Variants in DNAH9 observed in about 807,000 individuals in gnomAD.
DNAH9 encodes dynein axonemal heavy chain 9, also known as DNAH9 variant protein.
A neutral mutation model predicts 471.6 loss-of-function variants in DNAH9; 345 were observed. The ratio of observed to expected loss-of-function variants is 0.73; its 90% CI spans 0.67 to 0.80. The LOEUF is 0.80. DNAH9 is among the 30% of genes least tolerant of loss of function. The pLI, the probability that DNAH9 is intolerant of heterozygous loss-of-function variation, is 0.00. For synonymous variants in DNAH9, 2,093 were observed against 2,123.6 expected (o/e 0.99, Z 0.40); for missense variants, 5,407 against 5,609.2 (o/e 0.96, Z 1.15).
At chr17:11,762,770 G>GTTTTTTTTTTTTTTTTTTT (rs563544881) in intron 35 of DNAH9, among the ~76,000 whole-genome samples, 2 of 90,796 alleles carry the variant, frequency 2.2e-5, no homozygotes, top group East Asian at 3.3e-4. Context: ...TTTTTTTTTT[G>GTTTTTTTTTTTTTTTTTTT]TTTTTTTTTT....
At position 11,880,030 on chromosome 17, in the gene DNAH9, A is replaced by G. The variant is rs748635506; in HGVS notation, c.10479-48A>G. 3.7e-6 allele frequency: 6 copies of G among 1,609,564 alleles called. No homozygotes were observed. In the Admixed American group the frequency reaches 1.0e-4, roughly 27 times the overall value. On this transcript the variant is annotated intron_variant, in intron 53 of 68. Coordinates refer to ENST00000262442, the MANE Select transcript of DNAH9 (RefSeq NM_001372.4). ...TGTCTCATTAAATGGTCTCAACTCC[A>G]TAGCTTGCCACAGTCTCATACTCCC... is the stretch of plus-strand genomic sequence containing the variant.
At chr17:11,868,505 A>G (rs922187286) in intron 50 of DNAH9, among the ~76,000 whole-genome samples, 1 of 152,062 alleles carries the variant, frequency 6.6e-6, no homozygotes, top group African/African-American at 2.4e-5. Flanking sequence ...TTATGTTCCT[A>G]TACATTGTGT....
At chr17:11,900,503 CAAAAAA>C (rs71367356) in intron 59 of DNAH9, among the ~76,000 whole-genome samples, 2 of 108,128 alleles carry the variant, frequency 1.8e-5, no homozygotes, top group Non-Finnish European at 3.7e-5. Context: ...CTTCCCCTGC[CAAAAAA>C]AAAAAAAAAA....
chr17:11,705,462 C>T (rs2074683357), intron 26 of DNAH9: 1 of 316,552 alleles, frequency 3.2e-6, no homozygotes, highest in Non-Finnish European at 5.9e-6. Flanking sequence ...TAACACATAC[C>T]AGCTGTTTGA....
chr17:11,665,110 C>A (rs1232707066), intron 15 of DNAH9, 142 bp downstream of exon 15: 1 of 719,690 alleles, frequency 1.4e-6, no homozygotes, highest in Non-Finnish European at 2.3e-6. Flanking sequence ...CACAGGAAAA[C>A]AGAAAAGGTA....
intron 50 of DNAH9, 105 bp from the exon 51 acceptor site, chr17:11,869,029 A>G: frequency 2.9e-6 from 4 of 1,366,078 alleles, no homozygotes; most frequent in Non-Finnish European, 4.0e-6. Context: ...ATGCCCCCGC[A>G]GAGTGCTTCC....
intron 1 of DNAH9, among the ~76,000 whole-genome samples, chr17:11,599,459 G>A (rs1250062511): frequency 6.6e-6 from 1 of 152,160 alleles, no homozygotes. Flanking sequence ...ATTTGCTTTT[G>A]ATTTTCATCT....
intron 10 of DNAH9, among the ~76,000 whole-genome samples, chr17:11,641,836 A>C (rs2073279244): frequency 6.6e-6 from 1 of 152,198 alleles, no homozygotes; most frequent in African/African-American, 2.4e-5. Flanking sequence ...AACAGCACTC[A>C]TGAGGAAGGG....
rs764975180 is a variant in DNAH9 at position 11,694,600 on chromosome 17, A to AGCTTTCTT, written c.4872+193_4872+200dup. On this transcript the variant is annotated intron_variant, in intron 22 of 68. Coordinates refer to ENST00000262442, the MANE Select transcript of DNAH9 (RefSeq NM_001372.4). Reference sequence around the variant, plus strand: ...CCCCCAGCATCATCACATACCTCGGAGCTTTCTTGCTTTCTTGCTTTCTTG... The same window carrying AGCTTTCTT: ...CCCCCAGCATCATCACATACCTCGGAGCTTTCTTGCTTTCTTGCTTTCTTGCTTTCTTG... Among the ~76,000 whole-genome samples the AGCTTTCTT allele has an allele frequency of 7.3e-5, 8 of 109,916 alleles. 1 individual carries two copies. Among genetic ancestry groups the AGCTTTCTT allele is most frequent in the African/African-American group, 2.9e-4 (8 of 28,020 alleles). 72.1% of individuals were successfully genotyped at this position (109,916 alleles called of 152,430 possible). A position where few individuals can be genotyped will look rare whatever the true frequency, so the allele number is the denominator to read the frequency against.
chr17:11,687,165 C>A (rs911630056), intron 19 of DNAH9, among the ~76,000 whole-genome samples: 29 of 152,124 alleles, frequency 1.9e-4, no homozygotes, highest in African/African-American at 6.8e-4. Flanking sequence ...AGCACTCTGA[C>A]CTTCTGTTCT....
intron 61 of DNAH9, among the ~76,000 whole-genome samples, chr17:11,921,927 TAAAC>T (rs1440991802): frequency 6.6e-6 from 1 of 152,170 alleles, no homozygotes; most frequent in African/African-American, 2.4e-5. Flanking sequence ...CTGTTGCTAA[TAAAC>T]AAAATAAACA....
rs147710068 is a variant in DNAH9, at chr17:11,893,623, C to T, written c.11284-751C>T. Among the ~76,000 whole-genome samples, 829 of 152,190 alleles carry T rather than the reference C, an allele frequency of 5.4e-3. 7 individuals are homozygous for T. Among genetic ancestry groups the T allele is most frequent in the African/African-American group, 0.019 (795 of 41,526 alleles). ...AGCAAACTAACACAGGAACAGAAAA[C>T]CAAACACCACATATTCTCACTCATA... On this transcript the variant is annotated intron_variant, in intron 58 of 68. Coordinates refer to ENST00000262442, the MANE Select transcript of DNAH9 (RefSeq NM_001372.4).
intron 43 of DNAH9, among the ~76,000 whole-genome samples, chr17:11,799,403 G>C (rs1969372878): frequency 6.6e-6 from 1 of 151,980 alleles, no homozygotes; most frequent in African/African-American, 2.4e-5. Flanking sequence ...GTCTCACTCT[G>C]TCGCCCAAGC....
intron 49 of DNAH9, among the ~76,000 whole-genome samples, chr17:11,845,296 A>G (rs1278874528): frequency 1.5e-5 from 2 of 136,010 alleles, no homozygotes; most frequent in Non-Finnish European, 3.2e-5. Flanking sequence ...GAGAATGATG[A>G]TTTCCAATTT....
At chr17:11,741,286 T>C (rs2075429589) in intron 29 of DNAH9, among the ~76,000 whole-genome samples, 1 of 152,182 alleles carries the variant, frequency 6.6e-6, no homozygotes. Context: ...CAGATGTTTT[T>C]AGTGCCAGAG....
chr17:11,904,630 CAAAAAAAAAAAAAA>C (rs202059757), intron 60 of DNAH9, among the ~76,000 whole-genome samples: 168 of 111,418 alleles, frequency 1.5e-3, no homozygotes, highest in Non-Finnish European at 1.6e-3. Flanking sequence ...GACTCCATCT[CAAAAAAAAAAAAAA>C]AAAAAAAAAA....
chr17:11,631,424 C>T (rs2073062914), intron 7 of DNAH9, among the ~76,000 whole-genome samples: 1 of 151,904 alleles, frequency 6.6e-6, no homozygotes, highest in South Asian at 2.1e-4. Flanking sequence ...CAAAAGTAGA[C>T]CCAAAAAAGG....
At chr17:11,879,986 A>G in intron 53 of DNAH9, 92 bp from the exon 54 acceptor site, 2 of 1,452,438 alleles carry the variant, frequency 1.4e-6, no homozygotes, top group Non-Finnish European at 9.4e-7. Flanking sequence ...CTATACCACC[A>G]TGTCTTAGAG....
At chr17:11,701,972 G>A (rs760497555) in intron 24 of DNAH9, among the ~76,000 whole-genome samples, 2 of 152,122 alleles carry the variant, frequency 1.3e-5, no homozygotes, top group South Asian at 2.1e-4. Flanking sequence ...GTGAGCCTCC[G>A]CGCCCGGCCA....
Sources: allele counts gnomAD v4.1 joint callset (sites outside exome capture counted in the v4.1 genomes callset), GRCh38; gene constraint gnomAD v4.1.1; transcripts MANE v1.5; gene names NCBI Gene and HGNC (gene_info 2026-07-23, HGNC 2026-07-21).